DYRK1B: variants seen among roughly 807,000 people sequenced by gnomAD.
DYRK1B encodes the protein dual specificity tyrosine-phosphorylation-regulated kinase 1B.
A neutral mutation model predicts 57.1 loss-of-function variants in DYRK1B; 20 were observed. That is an observed-to-expected ratio of 0.35 (90% CI 0.25 to 0.51). The LOEUF is 0.51. DYRK1B is among the 20% of genes least tolerant of loss of function. The pLI, the probability that DYRK1B is intolerant of heterozygous loss-of-function variation, is 0.96. For missense variants in DYRK1B, 732 were observed against 886.3 expected, an observed-to-expected ratio of 0.83 and a Z score of 2.21; for synonymous variants, 409 against 384.7, an observed-to-expected ratio of 1.06 and a Z score of -0.74.
Position 39,827,310 on chromosome 19 carries a change from A to G in DYRK1B, c.1070T>C (p.Leu357Pro), listed in dbSNP as rs1183302213. 6.2e-7 allele frequency: 1 copy of G among 1,613,088 alleles called. No homozygotes were observed. The highest frequency in any genetic ancestry group is 1.1e-5 in the South Asian group (1 of 91,044). ...CTTCCTGAGTTCTTTCGTCCTTCGT[A>G]GGGTCCAGCCACCCCCAGGCAGCCG... ...FERLPGGGWT[L>P]RRTKELRKDY... is the part of the protein sequence containing the mutation. The change falls in exon 8 of 11, where the codon CTA becomes CCA. Residue 357 changes from leucine to proline, a missense_variant. Physicochemically the swap from Leu to Pro is moderately conservative, Grantham distance 98 (BLOSUM62 -3). Around this residue, in one of 2 missense-constraint regions of DYRK1B, gnomAD observed 510 missense variants for 681.3 expected, o/e 0.75. Transcript: ENST00000323039.
Position 39,826,163 on chromosome 19 carries a change from C to T in DYRK1B, c.1518+17G>A. On this transcript the variant is annotated intron_variant, in intron 10 of 10. Coordinates refer to ENST00000323039, the MANE Select transcript of DYRK1B (RefSeq NM_004714.3). The surrounding 1 kb of genome is among the most constrained non-coding windows in gnomAD (Gnocchi z 6.3). ...AGGCACCACCACCCACCTCCAAAGC[C>T]CCCAAAGCCCCATTACCTGGGGGCT... is the stretch of plus-strand genomic sequence containing the variant. The T allele has an allele frequency of 3.1e-6, 5 of 1,598,476 alleles. No homozygotes were observed. The highest frequency in any genetic ancestry group is 4.3e-6 in the Non-Finnish European group (5 of 1,174,370).
Position 39,830,788 on chromosome 19 carries a change from A to G in DYRK1B, c.64-5T>C. 1 of 1,610,478 alleles carries G rather than the reference A, an allele frequency of 6.2e-7. No homozygotes were observed. The highest frequency in any genetic ancestry group is 8.5e-7 in the Non-Finnish European group (1 of 1,178,116). On this transcript the variant is annotated splice_region_variant and splice_polypyrimidine_tract_variant and intron_variant, in intron 2 of 10. Transcript: ENST00000323039. Reference sequence around the variant, plus strand: ...TAGCCGCACATCAGGCAATACCTGCAGGGCAGGGTGAGGGGTGGGCACTGA... The same window carrying G: ...TAGCCGCACATCAGGCAATACCTGCGGGGCAGGGTGAGGGGTGGGCACTGA...
In DYRK1B at chr19:39,828,223, C is replaced by T. The variant is rs947234411; in HGVS notation, c.807+74G>A. On this transcript the variant is annotated intron_variant, in intron 6 of 10. Coordinates refer to ENST00000323039, the MANE Select transcript of DYRK1B (RefSeq NM_004714.3). The surrounding 1 kb of genome is among the most constrained non-coding windows in gnomAD (Gnocchi z 4.3). ...TAATAATCCCATCCCAGCCAAGCCC[C>T]GCCCCTAAGCCTCCCGTTGGCTCTG... 4.6e-6 allele frequency: 7 copies of T among 1,523,030 alleles called. No homozygotes were observed. In the South Asian group the frequency reaches 4.9e-5, roughly 11 times the overall value. 94.3% of individuals were successfully genotyped at this position (1,523,030 alleles called of 1,614,324 possible).
Position 39,826,766 on chromosome 19 carries a change from G to T in DYRK1B, c.1317C>A (p.Thr439=), listed in dbSNP as rs765903601. The part of the protein sequence containing the change: ...GFFRRTADEA[T]NTGPAGSSAS... ...CACTGCTGCCTGCCGGGCCCGTGTT[G>T]GTGGCCTCGTCGGCCGTGCGGCGGA... Residue 439 remains threonine (T), a synonymous_variant, in exon 9 of 11, where the codon ACC becomes ACA. Coordinates refer to ENST00000323039, the MANE Select transcript of DYRK1B (RefSeq NM_004714.3). This position sits in a 1 kb window ranked among gnomAD's most constrained non-coding sequence, Gnocchi z 6.3. 5.1e-6 allele frequency: 8 copies of T among 1,581,602 alleles called. No individual in the cohort carries two copies. The South Asian group carries it at 8.1e-5, about 16-fold the overall frequency.
Position 39,826,543 on chromosome 19 carries a change from C to T in DYRK1B, c.1411+129G>A. On this transcript the variant is annotated intron_variant, in intron 9 of 10. Transcript: ENST00000323039. This position sits in a 1 kb window ranked among gnomAD's most constrained non-coding sequence, Gnocchi z 6.3. ...GGCCAGTTGGAGCTCTCCCATCCCA[C>T]ACGTCATCTTACAGTTCAGGATCAG... 1 of 1,120,008 alleles carries T rather than the reference C, an allele frequency of 8.9e-7. No homozygotes were observed. Among genetic ancestry groups the T allele is most frequent in the Non-Finnish European group, 1.2e-6 (1 of 823,040 alleles). 69.4% of individuals were successfully genotyped at this position (1,120,008 alleles called of 1,614,324 possible).
intron 1 of DYRK1B, among the ~76,000 whole-genome samples, chr19:39,832,486 T>G (rs915360270): frequency 6.6e-6 from 1 of 152,012 alleles, no homozygotes; most frequent in Non-Finnish European, 1.5e-5. Context: ...CTCAGTAGAT[T>G]CCCTCAACCC....
intron 2 of DYRK1B, 135 bp downstream of exon 2, chr19:39,831,670 T>G (rs1490016639): frequency 3.4e-6 from 4 of 1,170,540 alleles, no homozygotes; most frequent in Non-Finnish European, 4.9e-6. Flanking sequence ...TCCTCTGTTA[T>G]TTTCCAATCC....
At chr19:39,833,438 G>A in intron 1 of DYRK1B, 1 of 786,168 alleles carries the variant, frequency 1.3e-6, no homozygotes, top group Non-Finnish European at 1.5e-6. Context: ...GGCCCGGTGG[G>A]TGACAACAGC....
chr19:39,829,532 T>C (rs532275636), intron 5 of DYRK1B, among the ~76,000 whole-genome samples: 1 of 151,786 alleles, frequency 6.6e-6, no homozygotes, highest in South Asian at 2.1e-4. Context: ...CAGCCCGTTT[T>C]GTTTGTTTTA....
rs763676957 is a variant in DYRK1B, at chr19:39,825,877, G to A, written c.1728C>T (p.Ser576=). 2.5e-5 allele frequency: 40 copies of A among 1,594,620 alleles called. No homozygotes were observed. Among genetic ancestry groups the A allele is most frequent in the Non-Finnish European group, 3.0e-5 (35 of 1,171,152 alleles). The part of the protein sequence containing the change: ...VSLVGGPADC[S]PPHPAPAPQH... ...GGGGGGCAGGCGCTGGGTGAGGTGGGGAGCAGTCAGCAGGGCCGCCCACCA... is the reference window on the plus strand; with the variant it reads ...GGGGGGCAGGCGCTGGGTGAGGTGGAGAGCAGTCAGCAGGGCCGCCCACCA... Residue 576 remains serine (S), a synonymous_variant, in exon 11 of 11, where the codon TCC becomes TCT. Coordinates refer to ENST00000323039, the MANE Select transcript of DYRK1B (RefSeq NM_004714.3).
At position 39,828,735 on chromosome 19, in the gene DYRK1B, T is replaced by G. The variant is rs574002998; in HGVS notation, c.521-152A>C. 4.3e-5 allele frequency: 33 copies of G among 776,104 alleles called. No individual in the cohort carries two copies. In the South Asian group the frequency reaches 5.8e-4, roughly 14 times the overall value. 48.1% of individuals were successfully genotyped at this position (776,104 alleles called of 1,614,324 possible). On this transcript the variant is annotated intron_variant, in intron 5 of 10. Transcript: ENST00000323039. This position sits in a 1 kb window ranked among gnomAD's most constrained non-coding sequence, Gnocchi z 4.3. ...AGTCAAAATCTTTTTATCTAACAAC[T>G]AGATTCACACAGGAAGTTAATGCTC... is the stretch of plus-strand genomic sequence containing the variant.
rs1968652375 is a variant in DYRK1B, at chr19:39,828,583, A to G, written c.521T>C (p.Val174Ala). ...QHDTEMKYYI[V>A]HLKRHFMFRN... ...GAACATGAAGTGCCGCTTCAGGTGT[A>G]CTGCGGGGGAGGGGAGGAAATGGGC... Residue 174 changes from valine (V) to alanine (A), a missense_variant and splice_region_variant, in exon 6 of 11, where the codon GTA becomes GCA. Physicochemically the swap from Val to Ala is moderately conservative, Grantham distance 64. Transcript: ENST00000323039. This position sits in a 1 kb window ranked among gnomAD's most constrained non-coding sequence, Gnocchi z 4.3. The G allele has an allele frequency of 1.2e-6, 2 of 1,604,188 alleles. No homozygotes were observed. The highest frequency in any genetic ancestry group is 1.7e-6 in the Non-Finnish European group (2 of 1,172,450).
intron 1 of DYRK1B, among the ~76,000 whole-genome samples, chr19:39,832,511 TTCCCAAACCACATGAGTCTTCCCC>T (rs1419694482): frequency 6.6e-6 from 1 of 151,988 alleles, no homozygotes; most frequent in South Asian, 2.1e-4. Flanking sequence ...AACTCTAGGA[TTCCCAAACCACATGAGTCTTCCCC>T]TCCCAAACCA....
At chr19:39,829,853 C>T (rs1437383683) in intron 5 of DYRK1B, 27 bp downstream of exon 5, 4 of 1,608,712 alleles carry the variant, frequency 2.5e-6, no homozygotes, top group Non-Finnish European at 3.4e-6. Context: ...CCCAGGTGCC[C>T]ACAGCCCTGC....
chr19:39,830,429 G>C lies in DYRK1B; in HGVS notation c.318C>G (p.Arg106=), dbSNP rs1185120344. Residue 106 remains arginine (R), a synonymous_variant, in exon 4 of 11, where the codon CGC becomes CGG. Transcript: ENST00000323039. ...AGTCAATTTCGTAGCGCTCCAGCCAGCGCTCGCCACTGCGCACGATGTAGT... is the reference window on the plus strand; with the variant it reads ...AGTCAATTTCGTAGCGCTCCAGCCACCGCTCGCCACTGCGCACGATGTAGT... ...NHDYIVRSGE[R]WLERYEIDSL... The C allele has an allele frequency of 1.2e-6, 2 of 1,614,060 alleles. No individual in the cohort carries two copies. Among genetic ancestry groups the C allele is most frequent in the African/African-American group, 1.3e-5 (1 of 74,920 alleles).
At position 39,827,236 on chromosome 19, in the gene DYRK1B, G is replaced by A. The variant is rs753673711; in HGVS notation, c.1095+49C>T. ...AGCAGGGGGAGAGAGCCCCAAGTGTGAGTGAGGGGCCACGGGGTGGGAGGA... is the reference window on the plus strand; with the variant it reads ...AGCAGGGGGAGAGAGCCCCAAGTGTAAGTGAGGGGCCACGGGGTGGGAGGA... On this transcript the variant is annotated intron_variant, in intron 8 of 10. Transcript: ENST00000323039. 5 of 1,563,684 alleles carry A rather than the reference G, an allele frequency of 3.2e-6. No individual in the cohort carries two copies. In the South Asian group the frequency reaches 3.5e-5, roughly 11 times the overall value.
chr19:39,827,182 GA>G, intron 8 of DYRK1B, 102 bp downstream of exon 8: 1 of 1,428,306 alleles, frequency 7.0e-7, no homozygotes. Flanking sequence ...AGGGGGAGTG[GA>G]AGGAAGGGAA....
chr19:39,827,139 G>A, intron 8 of DYRK1B, 146 bp downstream of exon 8: 2 of 1,171,350 alleles, frequency 1.7e-6, no homozygotes, highest in South Asian at 1.6e-5. Flanking sequence ...GATGGGAGAT[G>A]GGGTGGGCAG....
Position 39,827,618 on chromosome 19 carries a change from A to G in DYRK1B, c.846T>C (p.Pro282=). The G allele has an allele frequency of 6.2e-7, 1 of 1,614,052 alleles. No individual in the cohort carries two copies. Among genetic ancestry groups the G allele is most frequent in the Admixed American group, 1.7e-5 (1 of 60,014 alleles). The part of the protein sequence containing the change: ...QYIQSRFYRS[P]EVLLGTPYDL... ...CGTAGGGTGTGCCCAGGAGCACCTC[A>G]GGTGAGCGGTAGAAGCGGCTCTGGA... The change falls in exon 7 of 11, where the codon CCT becomes CCC. Residue 282 remains proline (P), a synonymous_variant. Coordinates refer to ENST00000323039, the MANE Select transcript of DYRK1B (RefSeq NM_004714.3).
Sources: gnomAD v4.1 joint callset for allele counts (sites outside exome capture counted in the v4.1 genomes callset) on GRCh38, gnomAD v4.1.1 for gene constraint, gnomAD v4.1.1 regional missense constraint, Gnocchi (gnomAD v3.1) non-coding constraint, MANE v1.5 for transcripts, NCBI Gene and HGNC (gene_info 2026-07-23, HGNC 2026-07-21) for gene names.